Variants in XRCC4 observed in about 807,000 individuals in gnomAD.
XRCC4 encodes DNA repair protein XRCC4.
In XRCC4, 28 loss-of-function variants were observed where a neutral mutation model predicts 39.1. The observed-to-expected ratio is 0.72, with a 90% CI of 0.53 to 0.98. The LOEUF (loss-of-function observed/expected upper bound fraction) is 0.98. Ranked by LOEUF, XRCC4 falls within the 50% of genes least tolerant of loss-of-function variation. The pLI is 0.00. For missense variants in XRCC4, 350 were observed against 376.4 expected, an observed-to-expected ratio of 0.93 and a Z score of 0.58; for synonymous variants, 123 against 126.4, an observed-to-expected ratio of 0.97 and a Z score of 0.18.
intron 6 of XRCC4, among the ~76,000 whole-genome samples, chr5:83,249,819 A>G (rs1387910402): frequency 1.3e-5 from 2 of 152,298 alleles, no homozygotes; most frequent in Admixed American, 6.5e-5. Context: ...CAGGTAATGT[A>G]GAGTCACTGC....
At chr5:83,190,119 G>A (rs911016896) in intron 3 of XRCC4, among the ~76,000 whole-genome samples, 1 of 152,034 alleles carries the variant, frequency 6.6e-6, no homozygotes, top group African/African-American at 2.4e-5. Flanking sequence ...AAACTGAAGA[G>A]TTCAGGATAT....
chr5:83,162,873 A>C (rs1749281042), intron 3 of XRCC4, among the ~76,000 whole-genome samples: 1 of 150,842 alleles, frequency 6.6e-6, no homozygotes, highest in African/African-American at 2.4e-5. Context: ...GGAGTCTCTC[A>C]GGTCTGGTGT....
At chr5:83,150,342 C>T (rs28360083) in intron 3 of XRCC4, among the ~76,000 whole-genome samples, 1 of 152,128 alleles carries the variant, frequency 6.6e-6, no homozygotes, top group South Asian at 2.1e-4. Context: ...TCAGTGTATT[C>T]CTTTTTTGGG....
chr5:83,316,450 G>A (rs1755886362), intron 7 of XRCC4, among the ~76,000 whole-genome samples: 1 of 151,156 alleles, frequency 6.6e-6, no homozygotes, highest in African/African-American at 2.4e-5. Flanking sequence ...GCTGTATTCA[G>A]GAAACCCATC....
At chr5:83,347,412 G>A (rs1756949075) in intron 7 of XRCC4, among the ~76,000 whole-genome samples, 1 of 152,114 alleles carries the variant, frequency 6.6e-6, no homozygotes, top group South Asian at 2.1e-4. Flanking sequence ...GGAGGCCTCA[G>A]GAAACTTACA....
intron 6 of XRCC4, among the ~76,000 whole-genome samples, chr5:83,251,912 G>A (rs301276): frequency 0.17 from 26,544 of 152,184 alleles, 2,885 homozygotes; most frequent in Non-Finnish European, 0.25. Flanking sequence ...TAAGATGGTC[G>A]TCAGTTATTC....
chr5:83,135,132 C>G (rs898710407), intron 3 of XRCC4, among the ~76,000 whole-genome samples: 2 of 152,198 alleles, frequency 1.3e-5, no homozygotes, highest in African/African-American at 4.8e-5. Context: ...TCATGGCATC[C>G]CTTGGCTAGG....
intron 3 of XRCC4, among the ~76,000 whole-genome samples, chr5:83,194,713 A>C (rs373710031): frequency 6.6e-6 from 1 of 152,320 alleles, no homozygotes; most frequent in African/African-American, 2.4e-5. Context: ...CAGTGCTACC[A>C]GCATCTTTCT....
intron 3 of XRCC4, among the ~76,000 whole-genome samples, chr5:83,150,919 C>A (rs1212110412): frequency 2.6e-5 from 4 of 151,960 alleles, no homozygotes; most frequent in Non-Finnish European, 4.4e-5. Flanking sequence ...GAAAAATAGC[C>A]TATGAGGGTT....
Position 83,098,331 on chromosome 5 carries a change from A to G in XRCC4, c.-10-6579A>G, listed in dbSNP as rs189059223. Among the ~76,000 whole-genome samples the G allele has an allele frequency of 8.5e-4, 130 of 152,262 alleles. No homozygotes were observed. In the Middle Eastern group the frequency reaches 0.01, roughly 12 times the overall value. Reference sequence around the variant, plus strand: ...TTTGAATAAGATTATGTTAGCAGTTATAACTGTATTTTACTACCTTATGGT... The same window carrying G: ...TTTGAATAAGATTATGTTAGCAGTTGTAACTGTATTTTACTACCTTATGGT... On this transcript the variant is annotated intron_variant, in intron 1 of 7. Coordinates refer to ENST00000396027, the MANE Select transcript of XRCC4 (RefSeq NM_003401.5).
At chr5:83,358,874 G>A in the XRCC4 span, among the ~76,000 whole-genome samples, 1 of 152,172 alleles carries the variant, frequency 6.6e-6, no homozygotes, top group Non-Finnish European at 1.5e-5. Context: ...TGGTGGGACA[G>A]TAAGCATAAA....
intron 7 of XRCC4, 79 bp from the exon 8 acceptor site, chr5:83,353,052 A>G: frequency 9.0e-7 from 1 of 1,115,746 alleles, no homozygotes. Context: ...CATTTCACTT[A>G]TGTGTCTCTT....
intron 7 of XRCC4, among the ~76,000 whole-genome samples, chr5:83,310,512 G>A (rs141178324): frequency 1.8e-4 from 27 of 152,080 alleles, no homozygotes; most frequent in African/African-American, 6.3e-4. Flanking sequence ...ACCTTTCTGC[G>A]GCAAACAGAA....
chr5:83,118,718 C>T (rs958813306), intron 3 of XRCC4, among the ~76,000 whole-genome samples: 2 of 152,178 alleles, frequency 1.3e-5, no homozygotes, highest in African/African-American at 4.8e-5. Context: ...TCAGCTGTGT[C>T]TTGTGCACAG....
intron 6 of XRCC4, among the ~76,000 whole-genome samples, chr5:83,249,934 T>A (rs1282270073): frequency 2.0e-5 from 3 of 152,156 alleles, no homozygotes; most frequent in African/African-American, 7.2e-5. Context: ...GTCTAATTTT[T>A]AAATTTATCC....
At chr5:83,304,816 C>T (rs931408580) in intron 7 of XRCC4, among the ~76,000 whole-genome samples, 1 of 152,090 alleles carries the variant, frequency 6.6e-6, no homozygotes, top group South Asian at 2.1e-4. Flanking sequence ...TTCTAAAGCA[C>T]TCAAATTGGC....
chr5:83,128,047 A>G (rs1747362052), intron 3 of XRCC4, among the ~76,000 whole-genome samples: 1 of 152,004 alleles, frequency 6.6e-6, no homozygotes, highest in Admixed American at 6.6e-5. Flanking sequence ...ATATGTATAC[A>G]TGTGCCATGT....
intron 3 of XRCC4, among the ~76,000 whole-genome samples, chr5:83,154,997 G>A (rs901597763): frequency 6.6e-6 from 1 of 152,086 alleles, no homozygotes; most frequent in African/African-American, 2.4e-5. Flanking sequence ...TGTTCTTGCT[G>A]CTGTTTTTAC....
At chr5:83,299,616 A>G (rs1267039823) in intron 7 of XRCC4, among the ~76,000 whole-genome samples, 1 of 152,120 alleles carries the variant, frequency 6.6e-6, no homozygotes, top group Non-Finnish European at 1.5e-5. Context: ...TGAATTCTCC[A>G]TAATTCTTCT....
Sources: allele counts gnomAD v4.1 joint callset (sites outside exome capture counted in the v4.1 genomes callset), GRCh38; gene constraint gnomAD v4.1.1; transcripts MANE v1.5; gene names NCBI Gene and HGNC (gene_info 2026-07-23, HGNC 2026-07-21).